Variants in RIF1 observed in about 807,000 individuals in gnomAD.
RIF1 encodes replication timing regulatory factor 1.
Under a neutral mutation model 247.1 loss-of-function variants are expected in RIF1, and 45 were observed. That is an observed-to-expected ratio of 0.18 (90% confidence interval 0.14 to 0.23). RIF1 has a LOEUF of 0.23. RIF1 is among the 10% of genes least tolerant of loss of function. The pLI, the probability that RIF1 is intolerant of heterozygous loss-of-function variation, is 1.00. For synonymous variants in RIF1, 1,087 were observed against 978.8 expected (o/e 1.11, Z -2.06); for missense variants, 2,967 against 2,862.5 (o/e 1.04, Z -0.83).
chr2:151,464,348 G>A lies in RIF1; in HGVS notation c.4828G>A (p.Glu1610Lys). The change falls in exon 30 of 36, where the codon GAA becomes AAA. Residue 1610 changes from glutamate to lysine, a missense_variant. By Grantham distance (56) the Glu-to-Lys change is moderately conservative. Coordinates refer to ENST00000444746, the MANE Select transcript of RIF1 (RefSeq NM_018151.5). ...ACATGATTATAAAGCAACTTCTGAA[G>A]AAGATGTAAGCATAAAATCTCCGAT... The part of the protein sequence containing the change: ...QSHDYKATSE[E>K]DVSIKSPICE... The A allele has an allele frequency of 6.2e-7, 1 of 1,610,652 alleles. No individual in the cohort carries two copies. The highest frequency in any genetic ancestry group is 8.5e-7 in the Non-Finnish European group (1 of 1,179,052).
At chr2:151,442,654 G>A (rs1405644314) in intron 16 of RIF1, among the ~76,000 whole-genome samples, 4 of 151,894 alleles carry the variant, frequency 2.6e-5, no homozygotes, top group Non-Finnish European at 5.9e-5. Context: ...CTAGGATATA[G>A]GCATTGGGAT....
chr2:151,516,521 T>A, the RIF1 span: 2 of 1,613,480 alleles, frequency 1.2e-6, no homozygotes, highest in Non-Finnish European at 1.7e-6. Flanking sequence ...AAGTCCAGCA[T>A]GGGTTTTCCT....
the RIF1 span, chr2:151,519,623 A>G: frequency 6.9e-7 from 1 of 1,458,602 alleles, no homozygotes; most frequent in South Asian, 1.1e-5. Flanking sequence ...GGCAAATACC[A>G]TGTTATATAT....
At position 151,492,042 on chromosome 2, in the gene RIF1, GTTC is replaced by G. The variant is rs1242024386; in HGVS notation, c.*416-3182_*416-3180del. The G allele has an allele frequency of 5.2e-6, 8 of 1,546,990 alleles. No individual in the cohort carries two copies. In the Admixed American group the frequency reaches 6.8e-5, roughly 13 times the overall value. On this transcript the variant is annotated intron_variant and NMD_transcript_variant, in intron 9 of 13. Coordinates refer to the RIF1 transcript ENST00000454583. ...ACTTGATGTAGGTAATGCTACTTTT[GTTC>G]TTCTACCCCCTCACTTAAAGTTAAT... is the stretch of plus-strand genomic sequence containing the variant.
intron 10 of RIF1, chr2:151,498,100 CAT>C (rs2061552142): frequency 1.4e-6 from 2 of 1,478,662 alleles, no homozygotes; most frequent in Non-Finnish European, 9.0e-7. Context: ...AAAAAATTGA[CAT>C]TAACTGTATT....
chr2:151,434,854 G>A (rs1465775976), intron 10 of RIF1, among the ~76,000 whole-genome samples: 1 of 151,864 alleles, frequency 6.6e-6, no homozygotes, highest in African/African-American at 2.4e-5. Flanking sequence ...TATATTTTAG[G>A]GGTATATTTT....
At chr2:151,422,692 G>A (rs1208883797) in intron 7 of RIF1, among the ~76,000 whole-genome samples, 1 of 151,690 alleles carries the variant, frequency 6.6e-6, no homozygotes, top group Non-Finnish European at 1.5e-5. Flanking sequence ...TAGAGACAGG[G>A]TTTCACCATA....
intron 3 of RIF1, among the ~76,000 whole-genome samples, chr2:151,412,260 G>GTTTCT (rs10668024): frequency 6.6e-6 from 1 of 151,816 alleles, no homozygotes; most frequent in East Asian, 1.9e-4. Flanking sequence ...TATCTCCAAA[G>GTTTCT]TTTGAGTTCT....
chr2:151,432,191 G>A (rs1690284383), intron 9 of RIF1, among the ~76,000 whole-genome samples: 1 of 152,072 alleles, frequency 6.6e-6, no homozygotes, highest in Non-Finnish European at 1.5e-5. Context: ...TGTAGTTTTA[G>A]TAGAGGTAGG....
At chr2:151,496,292 T>C in intron 10 of RIF1, 2 of 1,610,290 alleles carry the variant, frequency 1.2e-6, no homozygotes, top group Non-Finnish European at 1.7e-6. Context: ...AATATTTTCT[T>C]GATTGTGTTT....
downstream of RIF1, among the ~76,000 whole-genome samples, chr2:151,482,866 A>G (rs1190159441): frequency 6.6e-6 from 1 of 152,126 alleles, no homozygotes; most frequent in African/African-American, 2.4e-5. Flanking sequence ...TATCTGTCCC[A>G]TACCTCTCCC....
rs1224920020 is a variant in RIF1, at chr2:151,463,003, C to G, written c.3483C>G (p.Thr1161=). The G allele has an allele frequency of 6.2e-7, 1 of 1,613,400 alleles. No individual in the cohort carries two copies. The highest frequency in any genetic ancestry group is 1.3e-5 in the African/African-American group (1 of 74,878). ...SNNECGSLDK[T]SPEMSNSNND... ...ATGAGTGTGGTTCTCTTGACAAAAC[C>G]AGTCCAGAAATGTCAAACAGTAATA... Residue 1161 remains threonine (T), a synonymous_variant, in exon 30 of 36, where the codon ACC becomes ACG. Coordinates refer to ENST00000444746, the MANE Select transcript of RIF1 (RefSeq NM_018151.5).
rs780076514 is a variant in RIF1 at position 151,474,998 on chromosome 2, G to A, written c.7346G>A (p.Ser2449Asn). 1 of 1,613,620 alleles carries A rather than the reference G, an allele frequency of 6.2e-7. No individual in the cohort carries two copies. The highest frequency in any genetic ancestry group is 8.5e-7 in the Non-Finnish European group (1 of 1,179,758). ...SQLFEMHEKL[S>N]CMANSVIKNL... ...CTATTTGAAATGCACGAGAAACTAA[G>A]TTGTATGGCAAACTCTGTAATAAAA... The change falls in exon 36 of 36, where the codon AGT (serine) becomes AAT (asparagine). Residue 2449 changes from serine to asparagine, a missense_variant. Coordinates refer to ENST00000444746, the MANE Select transcript of RIF1 (RefSeq NM_018151.5).
intron 9 of RIF1, among the ~76,000 whole-genome samples, chr2:151,488,088 ATTTAT>A (rs897969506): frequency 3.3e-5 from 5 of 151,958 alleles, no homozygotes; most frequent in African/African-American, 1.2e-4. Context: ...GGCCATTTAT[ATTTAT>A]TTTGCCATAA....
intron 34 of RIF1, among the ~76,000 whole-genome samples, chr2:151,473,188 A>G (rs1050332749): frequency 2.6e-5 from 4 of 151,806 alleles, no homozygotes; most frequent in African/African-American, 9.7e-5. Context: ...TTGCTGAGTC[A>G]TGTGGTTACT....
At chr2:151,427,620 C>T (rs1352555058) in intron 8 of RIF1, among the ~76,000 whole-genome samples, 1 of 147,244 alleles carries the variant, frequency 6.8e-6, no homozygotes, top group Non-Finnish European at 1.5e-5. Context: ...GGAAGTAATT[C>T]AGAAGTTATC....
chr2:151,447,378 C>CT (rs551951884), intron 20 of RIF1, among the ~76,000 whole-genome samples: 24 of 152,346 alleles, frequency 1.6e-4, no homozygotes, highest in Admixed American at 5.2e-4. Flanking sequence ...ATATGGTATT[C>CT]TTGCCAATGA....
chr2:151,516,535 TC>T, the RIF1 span: 1 of 1,612,408 alleles, frequency 6.2e-7, no homozygotes, highest in Non-Finnish European at 8.5e-7. Context: ...TTTTCCTCGT[TC>T]CTTTTCATAC....
intron 13 of RIF1, among the ~76,000 whole-genome samples, chr2:151,506,601 A>G (rs1167165652): frequency 2.6e-5 from 4 of 152,328 alleles, no homozygotes; most frequent in Admixed American, 2.6e-4. Flanking sequence ...TATTTGGGGG[A>G]GGGATAACAA....
Sources: gnomAD v4.1 joint callset for allele counts (sites outside exome capture counted in the v4.1 genomes callset) on GRCh38, gnomAD v4.1.1 for gene constraint, MANE v1.5 for transcripts, NCBI Gene and HGNC (gene_info 2026-07-23, HGNC 2026-07-21) for gene names.